The following XKR9 variants were observed in gnomAD, a reference collection of about 807,000 sequenced individuals.
XKR9 encodes the protein XK related 9.
A neutral mutation model predicts 32.0 loss-of-function variants in XKR9; 32 were observed. The ratio of observed to expected loss-of-function variants is 1.00; its 90% CI spans 0.76 to 1.34. The LOEUF (loss-of-function observed/expected upper bound fraction) is 1.34. Among genes scored for constraint, XKR9 ranks in the 40% most tolerant of loss-of-function variants. The pLI is 0.00. For synonymous variants in XKR9, 168 were observed against 143.4 expected, an observed-to-expected ratio of 1.17 and a Z score of -1.22; for missense variants, 546 against 429.7, an observed-to-expected ratio of 1.27 and a Z score of -2.39.
At chr8:70,745,436 TC>T (rs1398922628) in intron 2 of XKR9, among the ~76,000 whole-genome samples, 3 of 152,184 alleles carry the variant, frequency 2.0e-5, no homozygotes, top group Non-Finnish European at 4.4e-5. Context: ...TACATTCACA[TC>T]TTCAAATATG....
the XKR9 span, among the ~76,000 whole-genome samples, chr8:70,795,488 G>T: frequency 2.0e-5 from 3 of 152,018 alleles, no homozygotes; most frequent in Non-Finnish European, 1.5e-5. Context: ...ATTCCTTTGG[G>T]TATATACCCA....
At chr8:71,021,006 T>A in the XKR9 span, among the ~76,000 whole-genome samples, 8 of 152,196 alleles carry the variant, frequency 5.3e-5, no homozygotes, top group Admixed American at 1.3e-4. Context: ...TGGCATCTGC[T>A]TGACTTCTGG....
the XKR9 span, among the ~76,000 whole-genome samples, chr8:70,888,883 A>G: frequency 6.6e-6 from 1 of 152,000 alleles, no homozygotes; most frequent in Non-Finnish European, 1.5e-5. Context: ...GAGATCTGGT[A>G]TGTGATTCCT....
At chr8:70,924,834 G>A in the XKR9 span, among the ~76,000 whole-genome samples, 1 of 152,132 alleles carries the variant, frequency 6.6e-6, no homozygotes, top group Non-Finnish European at 1.5e-5. Flanking sequence ...TAATCAAATA[G>A]CACCAAATAA....
chr8:70,729,798 A>T (rs1234336560), intron 4 of XKR9, among the ~76,000 whole-genome samples: 1 of 152,222 alleles, frequency 6.6e-6, no homozygotes, highest in Admixed American at 6.5e-5. Flanking sequence ...ACACATTTAC[A>T]CAAATACAGC....
the XKR9 span, among the ~76,000 whole-genome samples, chr8:70,815,138 T>G: frequency 6.6e-6 from 1 of 151,740 alleles, no homozygotes; most frequent in Non-Finnish European, 1.5e-5. Context: ...CAGAAGAATT[T>G]TTTTACATTG....
At chr8:70,803,530 C>G in the XKR9 span, among the ~76,000 whole-genome samples, 1 of 152,112 alleles carries the variant, frequency 6.6e-6, no homozygotes, top group Non-Finnish European at 1.5e-5. Context: ...TTTTGAGTTG[C>G]CAGAGTTTTT....
chr8:70,959,335 A>G, the XKR9 span, among the ~76,000 whole-genome samples: 1 of 152,140 alleles, frequency 6.6e-6, no homozygotes, highest in African/African-American at 2.4e-5. Flanking sequence ...AGTATTCTGC[A>G]TTTGCTTTTC....
At chr8:70,833,963 CA>C in the XKR9 span, among the ~76,000 whole-genome samples, 2 of 152,094 alleles carry the variant, frequency 1.3e-5, no homozygotes, top group Non-Finnish European at 2.9e-5. Flanking sequence ...TGTAATAATT[CA>C]GATATACAAA....
At chr8:70,968,266 G>C in the XKR9 span, among the ~76,000 whole-genome samples, 4 of 152,168 alleles carry the variant, frequency 2.6e-5, no homozygotes, top group Non-Finnish European at 5.9e-5. Flanking sequence ...AACCTCTCGT[G>C]TTGTGTTTTT....
the XKR9 span, among the ~76,000 whole-genome samples, chr8:71,058,641 A>C: frequency 3.3e-5 from 5 of 152,230 alleles, no homozygotes; most frequent in African/African-American, 1.2e-4. Flanking sequence ...AGCATCATTG[A>C]AGACACTTGA....
chr8:70,999,996 C>G, the XKR9 span, among the ~76,000 whole-genome samples: 1 of 151,814 alleles, frequency 6.6e-6, no homozygotes, highest in Non-Finnish European at 1.5e-5. Context: ...ATTCTTTCTC[C>G]CTAACTCTCC....
chr8:70,820,812 A>T, the XKR9 span, among the ~76,000 whole-genome samples: 1 of 152,182 alleles, frequency 6.6e-6, no homozygotes, highest in Non-Finnish European at 1.5e-5. Context: ...GAAACCAATT[A>T]TGTCCACCTG....
At chr8:70,956,317 C>T in the XKR9 span, among the ~76,000 whole-genome samples, 1 of 152,174 alleles carries the variant, frequency 6.6e-6, no homozygotes, top group Non-Finnish European at 1.5e-5. Context: ...TTAGTCACCT[C>T]AGTCATCTTG....
the XKR9 span, among the ~76,000 whole-genome samples, chr8:71,003,765 G>A: frequency 6.6e-6 from 1 of 152,194 alleles, no homozygotes; most frequent in Non-Finnish European, 1.5e-5. Flanking sequence ...TAAAGCACAT[G>A]ATTGGCATTT....
the XKR9 span, among the ~76,000 whole-genome samples, chr8:70,822,807 C>T: frequency 3.4e-4 from 52 of 152,012 alleles, no homozygotes; most frequent in East Asian, 5.8e-4. Flanking sequence ...CCTACTGAGA[C>T]GGCCAAGTTC....
At chr8:70,979,707 G>A in the XKR9 span, among the ~76,000 whole-genome samples, 6 of 152,168 alleles carry the variant, frequency 3.9e-5, no homozygotes, top group East Asian at 1.9e-4. Flanking sequence ...TTGGCTACAC[G>A]GGGGTCAGGG....
At chr8:70,960,247 C>T in the XKR9 span, among the ~76,000 whole-genome samples, 1 of 132,382 alleles carries the variant, frequency 7.6e-6, no homozygotes, top group Non-Finnish European at 1.8e-5. Flanking sequence ...CTCCGTCCCC[C>T]CCAAAAAAAA....
chr8:70,796,822 T>G, the XKR9 span, among the ~76,000 whole-genome samples: 6 of 152,356 alleles, frequency 3.9e-5, no homozygotes, highest in African/African-American at 1.4e-4. Flanking sequence ...ATTTGTTGAA[T>G]GAACACTTAA....
Sources: gnomAD v4.1 joint callset for allele counts (sites outside exome capture counted in the v4.1 genomes callset) on GRCh38, gnomAD v4.1.1 for gene constraint, MANE v1.5 for transcripts, NCBI Gene and HGNC (gene_info 2026-07-23, HGNC 2026-07-21) for gene names.